TRPM1: variants seen among roughly 807,000 people sequenced by gnomAD.
TRPM1 encodes transient receptor potential cation channel subfamily M member 1, also known as TRPM1-203 APA Isoform, Intron 10.
In TRPM1, 113 loss-of-function variants were observed where a neutral mutation model predicts 149.4. The ratio of observed to expected loss-of-function variants is 0.76; its 90% CI spans 0.65 to 0.88. The LOEUF is 0.88. Ranked by LOEUF, TRPM1 falls within the 40% of genes least tolerant of loss-of-function variation. The pLI, the probability that TRPM1 is intolerant of heterozygous loss-of-function variation, is 0.00. For synonymous variants in TRPM1, 741 were observed against 759.5 expected (o/e 0.98, Z 0.40); for missense variants, 1,976 against 2,038.7 (o/e 0.97, Z 0.59).
chr15:31,051,818 G>T (rs956467672), intron 11 of TRPM1, among the ~76,000 whole-genome samples: 3 of 152,140 alleles, frequency 2.0e-5, no homozygotes, highest in Admixed American at 2.0e-4. Context: ...AAGACATGCA[G>T]CTCCTTATGT....
At position 31,040,037 on chromosome 15, in the gene TRPM1, CA is replaced by C; in HGVS notation, c.2316+80del. ...GCTAGAAGGAATAAATGAAATAAGC[CA>C]CAGAAAGTGCTCAGTTCAGCCTGGC... On this transcript the variant is annotated intron_variant, in intron 18 of 27. Transcript: ENST00000256552. This position sits in a 1 kb window ranked among gnomAD's most constrained non-coding sequence, Gnocchi z 4.2. 3.2e-6 allele frequency: 4 copies of C among 1,257,452 alleles called. No homozygotes were observed. The highest frequency in any genetic ancestry group is 3.5e-6 in the Non-Finnish European group (3 of 861,220). 77.9% of individuals were successfully genotyped at this position (1,257,452 alleles called of 1,614,324 possible).
In TRPM1 at chr15:31,031,161, A is replaced by G. The variant is rs2033055939; in HGVS notation, c.2953-4T>C. ...CAAAGTACAGCATGTCGATCATCTG[A>G]GTAAGGAGAACATTTGTCTCTCACT... On this transcript the variant is annotated splice_region_variant and splice_polypyrimidine_tract_variant and intron_variant, in intron 22 of 27. Coordinates refer to ENST00000256552, the MANE Select transcript of TRPM1 (RefSeq NM_001252024.2). The G allele has an allele frequency of 3.7e-6, 6 of 1,614,074 alleles. No homozygotes were observed. Among genetic ancestry groups the G allele is most frequent in the Middle Eastern group, 1.6e-4 (1 of 6,084 alleles).
chr15:31,115,947 C>T (rs1365824150), intron 1 of TRPM1, among the ~76,000 whole-genome samples: 1 of 151,966 alleles, frequency 6.6e-6, no homozygotes, highest in Non-Finnish European at 1.5e-5. Context: ...CAGCTATGTC[C>T]TCACATGGTG....
chr15:31,032,681 C>G lies in TRPM1; in HGVS notation c.2952+8G>C, dbSNP rs750513296. 3 of 1,614,114 alleles carry G rather than the reference C, an allele frequency of 1.9e-6. No individual in the cohort carries two copies. Among genetic ancestry groups the G allele is most frequent in the Non-Finnish European group, 2.5e-6 (3 of 1,179,966 alleles). The stretch of plus-strand genomic sequence containing the variant: ...CTCTCTGGATACCCACAGGATGCCA[C>G]TACTAACCATCTTTCCAATCATCAT... On this transcript the variant is annotated splice_region_variant and intron_variant, in intron 22 of 27. Transcript: ENST00000256552.
At chr15:31,096,944 G>A (rs949344390) in intron 1 of TRPM1, among the ~76,000 whole-genome samples, 2 of 152,220 alleles carry the variant, frequency 1.3e-5, no homozygotes, top group African/African-American at 4.8e-5. Context: ...GGAGTGAGGG[G>A]TAGGCGGGTG....
At chr15:31,137,950 G>C (rs1317119375) in intron 1 of TRPM1, among the ~76,000 whole-genome samples, 1 of 152,170 alleles carries the variant, frequency 6.6e-6, no homozygotes, top group Non-Finnish European at 1.5e-5. Flanking sequence ...ACTAGAACTT[G>C]TGACCCTGGG....
intron 11 of TRPM1, among the ~76,000 whole-genome samples, chr15:31,058,169 A>G (rs1431700031): frequency 7.7e-6 from 1 of 129,290 alleles, no homozygotes; most frequent in African/African-American, 2.8e-5. Flanking sequence ...CAAACTAAAG[A>G]TACAATAAAA....
chr15:31,035,438 G>A (rs969771890), intron 21 of TRPM1, 108 bp downstream of exon 21: 5 of 1,507,664 alleles, frequency 3.3e-6, no homozygotes, highest in South Asian at 2.3e-5. Context: ...GAGCCACCAC[G>A]CCTGGCCCAA....
chr15:31,054,888 T>C (rs1221978940), intron 11 of TRPM1, among the ~76,000 whole-genome samples: 2 of 152,332 alleles, frequency 1.3e-5, no homozygotes, highest in East Asian at 3.9e-4. Flanking sequence ...CCAGAATTTA[T>C]TCTTCTTAAC....
intron 1 of TRPM1, among the ~76,000 whole-genome samples, chr15:31,124,239 C>G (rs116003147): frequency 5.3e-5 from 8 of 151,480 alleles, no homozygotes; most frequent in Non-Finnish European, 1.0e-4. Flanking sequence ...GAGCCGAGAT[C>G]GCGCCATCGT....
chr15:31,113,249 G>A (rs1179123097), intron 1 of TRPM1, among the ~76,000 whole-genome samples: 4 of 152,044 alleles, frequency 2.6e-5, no homozygotes, highest in East Asian at 1.9e-4. Flanking sequence ...AGAAAGGGAG[G>A]GCTCCACAGG....
At chr15:31,072,004 TATATATATATATATAGAGAGAG>T (rs376084337) in intron 3 of TRPM1, among the ~76,000 whole-genome samples, 5,829 of 53,358 alleles carry the variant, frequency 0.11, 307 homozygotes, top group East Asian at 0.32. Context: ...TATATATATA[TATATATATATATATAGAGAGAG>T]AGAGAGAGAG....
At position 31,040,556 on chromosome 15, in the gene TRPM1, G is replaced by A. The variant is rs1301113482; in HGVS notation, c.2088-210C>T. Among the ~76,000 whole-genome samples, 1 of 152,212 alleles carries A rather than the reference G, an allele frequency of 6.6e-6. No homozygotes were observed. The highest frequency in any genetic ancestry group is 2.4e-5 in the African/African-American group (1 of 41,454). ...TGGCTGGGAGCTCAGTCAGGAGGTG[G>A]GCTGACTGCTACTGCTGCAAATGGA... On this transcript the variant is annotated intron_variant, in intron 17 of 27. Coordinates refer to ENST00000256552, the MANE Select transcript of TRPM1 (RefSeq NM_001252024.2). The surrounding 1 kb of genome is among the most constrained non-coding windows in gnomAD (Gnocchi z 4.2).
intron 3 of TRPM1, among the ~76,000 whole-genome samples, chr15:31,075,462 G>A (rs1166794807): frequency 3.3e-5 from 5 of 152,162 alleles, no homozygotes; most frequent in African/African-American, 1.2e-4. Flanking sequence ...TTTAAAGTAT[G>A]TTTTGTCTGA....
At chr15:31,018,029 T>G (rs1442720199) in intron 27 of TRPM1, among the ~76,000 whole-genome samples, 1 of 151,570 alleles carries the variant, frequency 6.6e-6, no homozygotes, top group Admixed American at 6.5e-5. Flanking sequence ...TTATTTAATT[T>G]TATTTATTTG....
intron 11 of TRPM1, among the ~76,000 whole-genome samples, chr15:31,053,417 A>ATTTTTTTT: frequency 7.1e-6 from 1 of 140,364 alleles, no homozygotes; most frequent in Non-Finnish European, 1.5e-5. Flanking sequence ...CTCCCGGCTC[A>ATTTTTTTT]TTTTTTTTTT....
At chr15:31,087,790 G>C (rs1476255644) in intron 1 of TRPM1, among the ~76,000 whole-genome samples, 1 of 152,164 alleles carries the variant, frequency 6.6e-6, no homozygotes, top group Non-Finnish European at 1.5e-5. Flanking sequence ...TGTGTGATGT[G>C]CGGTACCAAG....
chr15:31,082,681 C>T (rs971327259), intron 1 of TRPM1, among the ~76,000 whole-genome samples: 1 of 152,144 alleles, frequency 6.6e-6, no homozygotes, highest in Non-Finnish European at 1.5e-5. Context: ...AATGTTCTGC[C>T]AGCTCTGTAC....
At chr15:31,132,494 T>C (rs1210201769) in intron 1 of TRPM1, among the ~76,000 whole-genome samples, 2 of 152,224 alleles carry the variant, frequency 1.3e-5, no homozygotes, top group African/African-American at 4.8e-5. Context: ...CTGATGTCTC[T>C]TTTGTTTGTC....
Sources: allele counts gnomAD v4.1 joint callset (sites outside exome capture counted in the v4.1 genomes callset), GRCh38; gene constraint gnomAD v4.1.1; non-coding constraint Gnocchi (gnomAD v3.1); transcripts MANE v1.5; gene names NCBI Gene and HGNC (gene_info 2026-07-23, HGNC 2026-07-21).